The following OLFM4 variants were observed in gnomAD, a reference collection of about 807,000 sequenced individuals.
OLFM4 encodes the protein olfactomedin 4.
OLFM4 carries 22 observed loss-of-function variants against 25.5 expected under a neutral mutation model. The observed-to-expected ratio is 0.86, with a 90% CI of 0.62 to 1.23. OLFM4 has a LOEUF of 1.23. Ranked by LOEUF, OLFM4 falls within the 50% of genes most tolerant of loss-of-function variation. OLFM4 has a pLI of 0.00. For missense variants in OLFM4, 594 were observed against 619.4 expected, an observed-to-expected ratio of 0.96 and a Z score of 0.44; for synonymous variants, 255 against 237.7, an observed-to-expected ratio of 1.07 and a Z score of -0.67.
intron 3 of OLFM4, 88 bp downstream of exon 3, chr13:53,042,210 T>C (rs1462323363): frequency 9.0e-7 from 1 of 1,115,232 alleles, no homozygotes; most frequent in Non-Finnish European, 1.3e-6. Context: ...AGTGAAACTA[T>C]CTCTTCCAAC....
intron 1 of OLFM4, among the ~76,000 whole-genome samples, chr13:53,031,485 A>G (rs960489096): frequency 3.1e-4 from 47 of 152,132 alleles, no homozygotes; most frequent in Non-Finnish European, 6.2e-4. Flanking sequence ...CACTCAGAGT[A>G]CTCTCTGCCT....
At chr13:53,036,653 A>C (rs1401455509) in intron 2 of OLFM4, among the ~76,000 whole-genome samples, 1 of 152,212 alleles carries the variant, frequency 6.6e-6, no homozygotes, top group Non-Finnish European at 1.5e-5. Context: ...CTAAGAAAAA[A>C]GTTTATCTGC....
chr13:53,041,288 A>G (rs1412616888), intron 2 of OLFM4, among the ~76,000 whole-genome samples: 5 of 152,176 alleles, frequency 3.3e-5, no homozygotes, highest in Non-Finnish European at 7.4e-5. Context: ...ATACTTTGCA[A>G]CCATAAGAAA....
rs1343704743 is a variant in OLFM4 at position 53,028,840 on chromosome 13, A to G, written c.4A>G (p.Arg2Gly). M[R>G]PGLSFLLALL... ...CGGCTCCAGCTAAGAGGACAAGATG[A>G]GGCCCGGCCTCTCATTTCTCCTAGC... Residue 2 changes from arginine (R) to glycine (G), a missense_variant, in exon 1 of 5, where the codon AGG (arginine) becomes GGG (glycine). By Grantham distance (125) the Arg-to-Gly change is moderately radical. Transcript: ENST00000219022. 2 of 1,614,122 alleles carry G rather than the reference A, an allele frequency of 1.2e-6. No individual in the cohort carries two copies. Among genetic ancestry groups the G allele is most frequent in the East Asian group, 2.2e-5 (1 of 44,862 alleles).
chr13:53,048,543 A>T (rs1954727645), intron 4 of OLFM4, among the ~76,000 whole-genome samples: 1 of 152,276 alleles, frequency 6.6e-6, no homozygotes, highest in Middle Eastern at 3.4e-3. Flanking sequence ...GGTGAGGAGG[A>T]TGGGGAGGGA....
At chr13:53,034,008 G>A (rs113488682) in intron 1 of OLFM4, among the ~76,000 whole-genome samples, 47,556 of 138,788 alleles carry the variant, frequency 0.34, 9,154 homozygotes, top group Middle Eastern at 0.55. Context: ...AGTGAGCCGA[G>A]ATCGCGCCAC....
intron 1 of OLFM4, among the ~76,000 whole-genome samples, chr13:53,029,793 C>T (rs1394911225): frequency 2.6e-5 from 4 of 152,172 alleles, no homozygotes. Flanking sequence ...TACAACGAGG[C>T]TGGTACAGCT....
chr13:53,040,425 C>A (rs537766409), intron 2 of OLFM4, among the ~76,000 whole-genome samples: 2 of 152,162 alleles, frequency 1.3e-5, no homozygotes, highest in South Asian at 4.1e-4. Context: ...ATCTCTATGC[C>A]ACTTTGTAAA....
intron 1 of OLFM4, among the ~76,000 whole-genome samples, chr13:53,030,021 T>C (rs991552778): frequency 2.0e-5 from 3 of 152,160 alleles, no homozygotes; most frequent in African/African-American, 7.2e-5. Context: ...GAGTCTTATC[T>C]GGGCCAAAGC....
chr13:53,030,811 T>A (rs1045450306), intron 1 of OLFM4, among the ~76,000 whole-genome samples: 1 of 152,210 alleles, frequency 6.6e-6, no homozygotes, highest in African/African-American at 2.4e-5. Context: ...AATTGCTTAT[T>A]TTTTAGTTAG....
intron 1 of OLFM4, among the ~76,000 whole-genome samples, chr13:53,029,846 G>C (rs1400128934): frequency 6.6e-6 from 1 of 152,216 alleles, no homozygotes; most frequent in African/African-American, 2.4e-5. Flanking sequence ...TTCCGTGGGG[G>C]ATGAGTCCTC....
intron 1 of OLFM4, 104 bp from the exon 2 acceptor site, chr13:53,034,244 T>C: frequency 9.3e-7 from 1 of 1,074,744 alleles, no homozygotes; most frequent in South Asian, 1.5e-5. Context: ...TGGACTCCAC[T>C]TACTTGCCTG....
At chr13:53,038,057 G>C (rs575980195) in intron 2 of OLFM4, among the ~76,000 whole-genome samples, 93 of 152,266 alleles carry the variant, frequency 6.1e-4, no homozygotes, top group African/African-American at 2.2e-3. Flanking sequence ...GTGGCTTAAA[G>C]GCTCAACTAA....
chr13:53,031,778 G>A (rs984604112), intron 1 of OLFM4, among the ~76,000 whole-genome samples: 2 of 152,196 alleles, frequency 1.3e-5, no homozygotes, highest in Non-Finnish European at 2.9e-5. Flanking sequence ...CACGTGCTTA[G>A]GGAAAACCTA....
At chr13:53,043,364 G>T in intron 4 of OLFM4, 100 bp downstream of exon 4, 2 of 830,646 alleles carry the variant, frequency 2.4e-6, no homozygotes, top group Non-Finnish European at 3.3e-6. Flanking sequence ...AAAGAAGAAG[G>T]TGGGTTGTTT....
chr13:53,037,969 C>A (rs865874786), intron 2 of OLFM4, among the ~76,000 whole-genome samples: 1 of 152,144 alleles, frequency 6.6e-6, no homozygotes, highest in Non-Finnish European at 1.5e-5. Flanking sequence ...TCAACGCTCA[C>A]ACAAATTTTA....
Position 53,043,165 on chromosome 13 carries a change from G to T in OLFM4, c.631G>T (p.Ala211Ser), listed in dbSNP as rs983870859. 3 of 1,613,348 alleles carry T rather than the reference G, an allele frequency of 1.9e-6. No individual in the cohort carries two copies. The highest frequency in any genetic ancestry group is 1.7e-6 in the Non-Finnish European group (2 of 1,179,640). The change falls in exon 4 of 5, where the codon GCC becomes TCC. Residue 211 changes from alanine to serine, a missense_variant. Transcript: ENST00000219022. ...LETLDKNNVL[A>S]IRREIVALKT... ...GACACTAGACAAAAACAATGTCCTT[G>T]CCATTCGCCGAGAAATCGTGGCTCT...
At chr13:53,031,100 G>A (rs8000124) in intron 1 of OLFM4, among the ~76,000 whole-genome samples, 108,380 of 152,156 alleles carry the variant, frequency 0.71, 39,995 homozygotes, top group East Asian at 0.94. Context: ...TAAAAAGACA[G>A]ATATTTAAAA....
At chr13:53,047,774 A>AT (rs141039369) in intron 4 of OLFM4, among the ~76,000 whole-genome samples, 5,864 of 152,228 alleles carry the variant, frequency 0.039, 142 homozygotes, top group East Asian at 0.075. Context: ...AGTAATAGTA[A>AT]TTTTTTGAGA....
Sources: allele counts gnomAD v4.1 joint callset (sites outside exome capture counted in the v4.1 genomes callset), GRCh38; gene constraint gnomAD v4.1.1; transcripts MANE v1.5; gene names NCBI Gene and HGNC (gene_info 2026-07-23, HGNC 2026-07-21).